Variants in CALN1 observed in about 807,000 individuals in gnomAD.
CALN1 encodes calneuron 1.
A neutral mutation model predicts 30.6 loss-of-function variants in CALN1; 17 were observed. The observed-to-expected ratio is 0.56, with a 90% CI of 0.38 to 0.83. The LOEUF (loss-of-function observed/expected upper bound fraction) is 0.83. CALN1 is among the 40% of genes least tolerant of loss of function. The probability of loss-of-function intolerance (pLI) is 0.00; values close to 1 mark genes in which losing one functional copy is unlikely to be tolerated. For synonymous variants in CALN1, 156 were observed against 131.4 expected, an observed-to-expected ratio of 1.19 and a Z score of -1.28; for missense variants, 291 against 354.9, an observed-to-expected ratio of 0.82 and a Z score of 1.45.
At chr7:72,331,971 T>G (rs191484981) in intron 2 of CALN1, among the ~76,000 whole-genome samples, 5 of 152,364 alleles carry the variant, frequency 3.3e-5, no homozygotes, top group Non-Finnish European at 5.9e-5. Flanking sequence ...TTTCAGTTCC[T>G]GCGTTTGCCA....
At chr7:72,009,849 C>T (rs1799973084) in intron 5 of CALN1, among the ~76,000 whole-genome samples, 3 of 152,272 alleles carry the variant, frequency 2.0e-5, no homozygotes, top group South Asian at 2.1e-4. Context: ...CACGTGGAAA[C>T]GTAAGTCCAT....
chr7:71,798,615 CTTTT>C (rs34161533), intron 6 of CALN1, among the ~76,000 whole-genome samples: 1 of 114,836 alleles, frequency 8.7e-6, no homozygotes, highest in Non-Finnish European at 1.7e-5. Context: ...TGGTAAGAGT[CTTTT>C]TTTTTTTTTT....
intron 2 of CALN1, among the ~76,000 whole-genome samples, chr7:72,339,348 G>C (rs1284280280): frequency 6.6e-6 from 1 of 152,070 alleles, no homozygotes; most frequent in Non-Finnish European, 1.5e-5. Context: ...TGGGATTGCT[G>C]GATCATATGC....
intron 2 of CALN1, among the ~76,000 whole-genome samples, chr7:72,383,239 T>C (rs1185690440): frequency 6.6e-6 from 1 of 152,220 alleles, no homozygotes; most frequent in East Asian, 1.9e-4. Flanking sequence ...TACATGTGTC[T>C]TCCTGGCAGA....
chr7:72,455,816 G>T, the CALN1 span, among the ~76,000 whole-genome samples: 3 of 152,136 alleles, frequency 2.0e-5, no homozygotes, highest in South Asian at 4.1e-4. Flanking sequence ...ACCAGTCAAG[G>T]TCAGGCAGGA....
chr7:72,132,224 C>A (rs1809200307), intron 3 of CALN1, among the ~76,000 whole-genome samples: 1 of 152,158 alleles, frequency 6.6e-6, no homozygotes, highest in Non-Finnish European at 1.5e-5. Flanking sequence ...TGAACATCAT[C>A]CCTTAGTCTA....
chr7:72,320,335 C>A (rs1435508788), intron 2 of CALN1, among the ~76,000 whole-genome samples: 1 of 152,124 alleles, frequency 6.6e-6, no homozygotes, highest in Non-Finnish European at 1.5e-5. Context: ...AAATCCAGTC[C>A]AGTGAGTCGA....
At chr7:72,493,305 A>C in the CALN1 span, among the ~76,000 whole-genome samples, 1 of 151,948 alleles carries the variant, frequency 6.6e-6, no homozygotes, top group African/African-American at 2.4e-5. Flanking sequence ...ATTTAGCATA[A>C]TGTTTTCAAG....
At chr7:72,345,539 A>G (rs1321076971) in intron 2 of CALN1, among the ~76,000 whole-genome samples, 21 of 133,694 alleles carry the variant, frequency 1.6e-4, no homozygotes, top group Admixed American at 1.3e-3. Context: ...AAGGGAGGGA[A>G]GGAGGAAGGA....
chr7:72,003,383 C>T (rs1406802078), intron 5 of CALN1, among the ~76,000 whole-genome samples: 1 of 152,000 alleles, frequency 6.6e-6, no homozygotes, highest in African/African-American at 2.4e-5. Context: ...AACAGGTGTC[C>T]CCAACTCCCG....
chr7:72,410,412 G>A (rs1305132151), intron 1 of CALN1, among the ~76,000 whole-genome samples: 1 of 152,242 alleles, frequency 6.6e-6, no homozygotes, highest in Non-Finnish European at 1.5e-5. Context: ...TTCCTTGAAA[G>A]ATGCAAAAGC....
chr7:71,847,327 A>G (rs929815173), intron 5 of CALN1, among the ~76,000 whole-genome samples: 4 of 151,978 alleles, frequency 2.6e-5, no homozygotes, highest in Admixed American at 1.3e-4. Flanking sequence ...GTGGTAGTGA[A>G]TAAGTCTCAT....
In CALN1 at chr7:71,782,596, A is replaced by G. The variant is rs966296362; in HGVS notation, c.*5179T>C. ...AGGACAATCCCGAGTGACTTAGTCAAAGCAAGTATGAAGTGAAGCTGAACA... is the reference window on the plus strand; with the variant it reads ...AGGACAATCCCGAGTGACTTAGTCAGAGCAAGTATGAAGTGAAGCTGAACA... On this transcript the variant is annotated 3_prime_UTR_variant, in exon 7 of 7. Transcript: ENST00000395275. 1 of 152,218 alleles carries G rather than the reference A, an allele frequency of 6.6e-6. No individual in the cohort carries two copies. Among genetic ancestry groups the G allele is most frequent in the African/African-American group, 2.4e-5 (1 of 41,468 alleles). 9.4% of individuals were successfully genotyped at this position (152,218 alleles called of 1,614,324 possible).
At chr7:71,963,541 A>G (rs1438077147) in intron 5 of CALN1, among the ~76,000 whole-genome samples, 4 of 150,776 alleles carry the variant, frequency 2.7e-5, no homozygotes, top group South Asian at 2.1e-4. Context: ...CTGACCTCAA[A>G]TGATCCGCCC....
intron 3 of CALN1, among the ~76,000 whole-genome samples, chr7:72,168,122 T>C (rs1788656770): frequency 6.6e-6 from 1 of 152,238 alleles, no homozygotes; most frequent in African/African-American, 2.4e-5. Context: ...TGATGGCTTA[T>C]TTTGGGTTTT....
At chr7:72,153,666 G>C (rs761108517) in intron 3 of CALN1, among the ~76,000 whole-genome samples, 50 of 152,064 alleles carry the variant, frequency 3.3e-4, no homozygotes, top group Non-Finnish European at 5.7e-4. Context: ...GGCCAACAGA[G>C]TGAGAACCTG....
At chr7:72,398,896 G>A (rs958296083) in intron 2 of CALN1, among the ~76,000 whole-genome samples, 19 of 152,148 alleles carry the variant, frequency 1.2e-4, no homozygotes, top group African/African-American at 4.6e-4. Flanking sequence ...AGCCAAAGAT[G>A]AGCTCAAGAC....
intron 2 of CALN1, chr7:72,337,252 G>A: frequency 2.0e-6 from 2 of 985,008 alleles, no homozygotes; most frequent in Non-Finnish European, 2.4e-6. Context: ...CTCTGCCGGC[G>A]CCCGCGTTCA....
At chr7:72,457,918 G>A in the CALN1 span, among the ~76,000 whole-genome samples, 1 of 149,086 alleles carries the variant, frequency 6.7e-6, no homozygotes, top group Non-Finnish European at 1.5e-5. Context: ...ACCACGTCTC[G>A]ATACTTTTTG....
Sources: allele counts gnomAD v4.1 joint callset (sites outside exome capture counted in the v4.1 genomes callset), GRCh38; gene constraint gnomAD v4.1.1; transcripts MANE v1.5; gene names NCBI Gene and HGNC (gene_info 2026-07-23, HGNC 2026-07-21).